Variants in PSPH observed in about 807,000 individuals in gnomAD.
PSPH encodes the protein phosphoserine phosphatase, also known as L-3-phosphoserine phosphatase.
A neutral mutation model predicts 23.4 loss-of-function variants in PSPH; 16 were observed. The observed-to-expected ratio is 0.68, with a 90% confidence interval of 0.46 to 1.04. The LOEUF (loss-of-function observed/expected upper bound fraction) is 1.04. Ranked by LOEUF, PSPH falls within the 50% of genes least tolerant of loss-of-function variation. The pLI is 0.00. For missense variants in PSPH, 223 were observed against 273.7 expected, an observed-to-expected ratio of 0.81 and a Z score of 1.31; for synonymous variants, 68 against 99.7, an observed-to-expected ratio of 0.68 and a Z score of 1.89.
At chr7:56,014,980 CA>C (rs761455255) in intron 7 of PSPH, 42 bp downstream of exon 7, 23 of 1,539,172 alleles carry the variant, frequency 1.5e-5, no homozygotes, top group Non-Finnish European at 1.8e-6. Flanking sequence ...ATAAATAAAA[CA>C]AAAGTACAAC....
At chr7:56,027,377 G>A (rs1287560949) in intron 3 of PSPH, among the ~76,000 whole-genome samples, 1 of 152,096 alleles carries the variant, frequency 6.6e-6, no homozygotes, top group Admixed American at 6.6e-5. Context: ...ATCTTCAAGA[G>A]GTTTCCAGTC....
chr7:56,049,936 A>G (rs1265683863), intron 1 of PSPH, among the ~76,000 whole-genome samples: 2 of 151,820 alleles, frequency 1.3e-5, no homozygotes, highest in Non-Finnish European at 2.9e-5. Context: ...GGGTTTCACC[A>G]TGTTGGCCAG....
chr7:56,048,900 C>T (rs1037172902), intron 1 of PSPH, among the ~76,000 whole-genome samples: 1 of 151,586 alleles, frequency 6.6e-6, no homozygotes, highest in Non-Finnish European at 1.5e-5. Context: ...CCCTTCAACC[C>T]ATCCTCTAGG....
At chr7:56,046,750 CTCCAGCCTGGG>C (rs1232223463) in intron 1 of PSPH, among the ~76,000 whole-genome samples, 8 of 149,572 alleles carry the variant, frequency 5.3e-5, no homozygotes, top group Non-Finnish European at 8.9e-5. Flanking sequence ...CACCACTACA[CTCCAGCCTGGG>C]CAACAGAGTG....
intron 1 of PSPH, among the ~76,000 whole-genome samples, chr7:56,047,720 G>A (rs1360098712): frequency 6.6e-6 from 1 of 150,642 alleles, no homozygotes; most frequent in African/African-American, 2.4e-5. Flanking sequence ...AGGCTGGAGT[G>A]CAGTGGCGTG....
chr7:56,011,255 C>A lies in PSPH; in HGVS notation c.*507G>T, dbSNP rs372748955. The A allele has an allele frequency of 6.5e-6, 1 of 153,032 alleles. No homozygotes were observed. Among genetic ancestry groups the A allele is most frequent in the East Asian group, 1.9e-4 (1 of 5,212 alleles). 9.5% of individuals were successfully genotyped at this position (153,032 alleles called of 1,614,324 possible). A position where few individuals can be genotyped will look rare whatever the true frequency, so the allele number is the denominator to read the frequency against. ...AAAACTCTCTAGGACATTGGCTGGG[C>A]GCGGTGGCCCAAGCCTGTAATCCCA... is the stretch of plus-strand genomic sequence containing the variant. On this transcript the variant is annotated 3_prime_UTR_variant, in exon 8 of 8. Coordinates refer to ENST00000275605, the MANE Select transcript of PSPH (RefSeq NM_004577.4).
chr7:56,028,371 C>G lies in PSPH; in HGVS notation c.-20+3558G>C, dbSNP rs1790499628. ...TCCTGAGTAGCAGAGACCACAGGCA[C>G]GCACCACCACACCCAGCTAAGTTAC... On this transcript the variant is annotated intron_variant, in intron 3 of 7. Coordinates refer to ENST00000275605, the MANE Select transcript of PSPH (RefSeq NM_004577.4). Among the ~76,000 whole-genome samples the G allele has an allele frequency of 2.0e-5, 3 of 151,926 alleles. No homozygotes were observed. In the South Asian group the frequency reaches 6.2e-4, roughly 32 times the overall value.
intron 1 of PSPH, among the ~76,000 whole-genome samples, chr7:56,049,653 G>C (rs1793732262): frequency 6.6e-6 from 1 of 151,868 alleles, no homozygotes. Flanking sequence ...GGCCAGGCTG[G>C]TCTCGAACTC....
At chr7:56,039,293 A>G (rs1192177754) in intron 1 of PSPH, among the ~76,000 whole-genome samples, 1 of 152,172 alleles carries the variant, frequency 6.6e-6, no homozygotes, top group East Asian at 1.9e-4. Context: ...AATTTACAAC[A>G]TAAAATTCAG....
intron 3 of PSPH, among the ~76,000 whole-genome samples, chr7:56,028,613 G>C (rs886749769): frequency 6.6e-6 from 1 of 152,070 alleles, no homozygotes; most frequent in African/African-American, 2.4e-5. Flanking sequence ...AGGAGACTGA[G>C]CTGGATTTTA....
chr7:56,034,425 T>G (rs1182754943), intron 1 of PSPH, among the ~76,000 whole-genome samples: 2 of 152,192 alleles, frequency 1.3e-5, no homozygotes, highest in Non-Finnish European at 2.9e-5. Flanking sequence ...TAGCAATTAG[T>G]GAAATCTCCG....
intron 3 of PSPH, among the ~76,000 whole-genome samples, chr7:56,025,023 C>T (rs192694225): frequency 2.6e-5 from 4 of 151,910 alleles, no homozygotes; most frequent in Middle Eastern, 6.8e-3. Flanking sequence ...TGTCTGGTCT[C>T]GAACTCCTGA....
intron 1 of PSPH, among the ~76,000 whole-genome samples, chr7:56,039,080 C>T (rs1206688364): frequency 2.0e-4 from 30 of 150,922 alleles, no homozygotes; most frequent in African/African-American, 7.1e-4. Context: ...GAGGCGGAAC[C>T]CGGGAGGCGG....
intron 7 of PSPH, among the ~76,000 whole-genome samples, chr7:56,013,392 G>A (rs990538655): frequency 3.7e-4 from 56 of 151,712 alleles, no homozygotes. Context: ...GGTGGCATGC[G>A]CCTGCAGTCC....
chr7:56,012,621 A>T (rs768704467), intron 7 of PSPH, among the ~76,000 whole-genome samples: 1 of 151,620 alleles, frequency 6.6e-6, no homozygotes, highest in Non-Finnish European at 1.5e-5. Context: ...TATCTAAGCT[A>T]ACAGTAAAAA....
chr7:56,050,071 CCGCA>C lies in PSPH; in HGVS notation c.-292+1063_-292+1066del, dbSNP rs1401355843. On this transcript the variant is annotated intron_variant, in intron 1 of 7. Coordinates refer to ENST00000275605, the MANE Select transcript of PSPH (RefSeq NM_004577.4). ...ATTTTTAACAGCAGTTATAATAAAT[CCGCA>C]TGCACACCGTGTAATGCCTATGGAA... 1.4e-4 allele frequency among the ~76,000 whole-genome samples: 21 copies of C among 152,094 alleles called. 1 individual carries two copies. Among genetic ancestry groups the C allele is most frequent in the Admixed American group, 9.8e-4 (15 of 15,252 alleles).
chr7:56,047,463 T>C (rs1584520591), intron 1 of PSPH, among the ~76,000 whole-genome samples: 2 of 152,138 alleles, frequency 1.3e-5, no homozygotes, highest in East Asian at 3.9e-4. Flanking sequence ...AGTCACATAT[T>C]TTCCCATAAG....
intron 1 of PSPH, among the ~76,000 whole-genome samples, chr7:56,041,205 CTCTCTTTT>C (rs1004524144): frequency 6.7e-6 from 1 of 149,240 alleles, no homozygotes; most frequent in Non-Finnish European, 1.5e-5. Flanking sequence ...CTCTCTCTCT[CTCTCTTTT>C]TTTTTTTTTT....
intron 3 of PSPH, among the ~76,000 whole-genome samples, chr7:56,031,121 G>C (rs1309313878): frequency 6.6e-6 from 1 of 151,378 alleles, no homozygotes; most frequent in Non-Finnish European, 1.5e-5. Flanking sequence ...TGAGGCAGGA[G>C]AATGGCGTGA....
Sources: gnomAD v4.1 joint callset for allele counts (sites outside exome capture counted in the v4.1 genomes callset) on GRCh38, gnomAD v4.1.1 for gene constraint, MANE v1.5 for transcripts, NCBI Gene and HGNC (gene_info 2026-07-23, HGNC 2026-07-21) for gene names.